The following BAHCC1 variants were observed in gnomAD, a reference collection of about 807,000 sequenced individuals.
The protein encoded by BAHCC1 is BAH domain and coiled-coil containing 1, also known as BAH and coiled-coil domain-containing protein 1.
A neutral mutation model predicts 88.2 loss-of-function variants in BAHCC1; 43 were observed. That is an observed-to-expected ratio of 0.49 (90% CI 0.38 to 0.63). The LOEUF (loss-of-function observed/expected upper bound fraction) is 0.63, where lower values mean the gene tolerates loss of function less well. BAHCC1 is among the 20% of genes least tolerant of loss of function. The pLI, the probability that BAHCC1 is intolerant of heterozygous loss-of-function variation, is 0.00. For synonymous variants in BAHCC1, 1,510 were observed against 745.5 expected (o/e 2.03, Z -16.71); for missense variants, 3,023 against 1,654.8 (o/e 1.83, Z -14.34).
In BAHCC1 at chr17:81,451,963, C is replaced by CT; in HGVS notation, c.4180-8_4180-7insT. ...CCGGCTCACAGGCCCCTGTGCCCCC[C>CT]CCACCAGGTGTGCCCCCTGAAGGCC... is the stretch of plus-strand genomic sequence containing the variant. On this transcript the variant is annotated splice_polypyrimidine_tract_variant and splice_region_variant and intron_variant, in intron 12 of 27. Coordinates refer to ENST00000675386, the MANE Select transcript of BAHCC1 (RefSeq NM_001377448.1). 2 of 623,088 alleles carry CT rather than the reference C, an allele frequency of 3.2e-6. No individual in the cohort carries two copies. The highest frequency in any genetic ancestry group is 5.6e-5 in the East Asian group (2 of 35,822). The allele number at this position is 623,088 out of a possible 1,614,324, so 38.6% of individuals were successfully genotyped here.
chr17:81,447,181 T>G lies in BAHCC1; in HGVS notation c.3309T>G (p.Pro1103=), dbSNP rs779301990. Residue 1103 remains proline (P), a synonymous_variant, in exon 11 of 28, where the codon CCT becomes CCG. Transcript: ENST00000675386. The stretch of plus-strand genomic sequence containing the variant: ...CTGAGCCCACAAGGACATTCCTGCC[T>G]GGGGAGCCGCCTCCCTGCAGCCCCA... ...AQPEPTRTFL[P]GEPPPCSPRS... is the part of the protein sequence containing the mutation. 32 of 770,126 alleles carry G rather than the reference T, an allele frequency of 4.2e-5. 1 individual carries two copies. Among genetic ancestry groups the G allele is most frequent in the Non-Finnish European group, 7.3e-5 (30 of 413,664 alleles). 47.7% of individuals were successfully genotyped at this position (770,126 alleles called of 1,614,324 possible).
intron 2 of BAHCC1, chr17:81,413,169 C>T (rs994774261): frequency 9.3e-6 from 4 of 430,990 alleles, no homozygotes; most frequent in Admixed American, 2.5e-5. Context: ...AGTGGGCCGT[C>T]GGGACCCCAC....
In BAHCC1 at chr17:81,442,575, A is replaced by C. The variant is rs1555652871; in HGVS notation, c.1226A>C (p.Gln409Pro). The change falls in exon 5 of 28, where the codon CAG becomes CCG. Residue 409 changes from glutamine (Q) to proline (P), a missense_variant. By Grantham distance (76) the Gln-to-Pro change is moderately conservative (BLOSUM62 -1). Transcript: ENST00000675386. ...CTGGCCGACAAGGGCCGCCCCTTCC[A>C]GGCCGCCGAGGCCTGTGCCGTGGCA... ...GHLADKGRPFQAAEACAVAGE... is the reference protein window; with the variant it reads ...GHLADKGRPFPAAEACAVAGE... 2 of 760,186 alleles carry C rather than the reference A, an allele frequency of 2.6e-6. No individual in the cohort carries two copies. The highest frequency in any genetic ancestry group is 4.9e-6 in the Non-Finnish European group (2 of 408,440). The allele number at this position is 760,186 out of a possible 1,614,324, so 47.1% of individuals were successfully genotyped here.
rs2064727725 is a variant in BAHCC1, at chr17:81,455,312, A to G, written c.4491A>G (p.Gly1497=). 1 of 717,376 alleles carries G rather than the reference A, an allele frequency of 1.4e-6. No homozygotes were observed. The highest frequency in any genetic ancestry group is 2.0e-5 in the Admixed American group (1 of 50,108). The allele number at this position is 717,376 out of a possible 1,614,324, so 44.4% of individuals were successfully genotyped here. Residue 1497 remains glycine (G), a synonymous_variant, in exon 15 of 28, where the codon GGA becomes GGG. Coordinates refer to ENST00000675386, the MANE Select transcript of BAHCC1 (RefSeq NM_001377448.1). ...GTCTGCTGTGTGCGGAGCTGCGAGG[A>G]GGCAGTGGGGGCGAGCCTGCGAAGA... ...SLGLLCAELR[G]GSGGEPAKKR...
intron 16 of BAHCC1, among the ~76,000 whole-genome samples, chr17:81,456,903 C>T (rs1237742388): frequency 6.6e-6 from 1 of 151,726 alleles, no homozygotes; most frequent in African/African-American, 2.4e-5. Context: ...GCCCCTGTGA[C>T]TGTAGCATCC....
At chr17:81,407,577 A>G (rs1555647128) in intron 2 of BAHCC1, among the ~76,000 whole-genome samples, 1 of 152,202 alleles carries the variant, frequency 6.6e-6, no homozygotes, top group Non-Finnish European at 1.5e-5. Flanking sequence ...TGGGGGTGCC[A>G]TGGTGGGTGG....
rs782582251 is a variant in BAHCC1, at chr17:81,442,035, C to G, written c.686C>G (p.Ala229Gly). ...LVGKELGREK[A>G]GKAAEGKERP... is the part of the protein sequence containing the mutation. Reference sequence around the variant, plus strand: ...GGCAAAGAGCTGGGCAGAGAGAAGGCGGGCAAGGCCGCTGAGGGCAAGGAG... The same window carrying G: ...GGCAAAGAGCTGGGCAGAGAGAAGGGGGGCAAGGCCGCTGAGGGCAAGGAG... The change falls in exon 5 of 28, where the codon GCG becomes GGG. Residue 229 changes from alanine to glycine, a missense_variant. By Grantham distance (60) the Ala-to-Gly change is moderately conservative. Transcript: ENST00000675386. 1.4e-5 allele frequency: 10 copies of G among 718,620 alleles called. No individual in the cohort carries two copies. Among genetic ancestry groups the G allele is most frequent in the Non-Finnish European group, 1.8e-5 (7 of 384,346 alleles). The allele number at this position is 718,620 out of a possible 1,614,324, so 44.5% of individuals were successfully genotyped here.
rs1295449817 is a variant in BAHCC1 at position 81,411,872 on chromosome 17, A to G, written c.178+11955A>G. ...GCCCCTGCCCCTCCACACCCTGGTC[A>G]CTCTTCCCTCCAGCTCAGCGCTTAC... is the stretch of plus-strand genomic sequence containing the variant. On this transcript the variant is annotated intron_variant, in intron 2 of 27. Coordinates refer to ENST00000675386, the MANE Select transcript of BAHCC1 (RefSeq NM_001377448.1). This position sits in a 1 kb window ranked among gnomAD's most constrained non-coding sequence, Gnocchi z 6.2. Among the ~76,000 whole-genome samples, 1 of 151,644 alleles carries G rather than the reference A, an allele frequency of 6.6e-6. No individual in the cohort carries two copies. The highest frequency in any genetic ancestry group is 1.5e-5 in the Non-Finnish European group (1 of 67,890).
At chr17:81,445,917 G>A (rs532550937) in intron 10 of BAHCC1, among the ~76,000 whole-genome samples, 20 of 152,368 alleles carry the variant, frequency 1.3e-4, no homozygotes, top group Admixed American at 2.0e-4. Context: ...TGACGAAGGC[G>A]GGAGGAAGAC....
At chr17:81,405,986 G>A (rs1284662845) in intron 2 of BAHCC1, among the ~76,000 whole-genome samples, 2 of 152,234 alleles carry the variant, frequency 1.3e-5, no homozygotes, top group African/African-American at 4.8e-5. Flanking sequence ...GACTCCTCCT[G>A]GGTAGCAGCA....
intron 2 of BAHCC1, chr17:81,410,095 TG>T: frequency 5.4e-6 from 2 of 369,046 alleles, no homozygotes; most frequent in Middle Eastern, 3.6e-4. Context: ...GAGGGTTGAG[TG>T]GGACTGGGGG....
At position 81,462,161 on chromosome 17, in the gene BAHCC1, A is replaced by T. The variant is rs944650213; in HGVS notation, c.7383+115A>T. 6 of 600,932 alleles carry T rather than the reference A, an allele frequency of 1.0e-5. No individual in the cohort carries two copies. The Admixed American group carries it at 1.8e-4, about 18-fold the overall frequency. 37.2% of individuals were successfully genotyped at this position (600,932 alleles called of 1,614,324 possible). A position where few individuals can be genotyped will look rare whatever the true frequency, so the allele number is the denominator to read the frequency against. On this transcript the variant is annotated intron_variant, in intron 26 of 27. Coordinates refer to ENST00000675386, the MANE Select transcript of BAHCC1 (RefSeq NM_001377448.1). ...TCATCTTCCTACTTGATTTCAAGTT[A>T]AAAAATGTGGAAAACTCAAGGGAAG...
At chr17:81,420,005 G>A (rs2064096775) in intron 2 of BAHCC1, among the ~76,000 whole-genome samples, 2 of 152,096 alleles carry the variant, frequency 1.3e-5, no homozygotes, top group Admixed American at 6.5e-5. Flanking sequence ...GTGGGGTGGG[G>A]CACAGTGGGC....
chr17:81,409,358 C>T (rs774464729), intron 2 of BAHCC1, among the ~76,000 whole-genome samples: 5 of 152,204 alleles, frequency 3.3e-5, no homozygotes, highest in Non-Finnish European at 7.3e-5. Context: ...GGGTGGGGCT[C>T]CTGTCCCCCG....
In BAHCC1 at chr17:81,435,218, G is replaced by A. The variant is rs1453599422; in HGVS notation, c.359-3152G>A. Among the ~76,000 whole-genome samples the A allele has an allele frequency of 3.3e-5, 5 of 152,114 alleles. No homozygotes were observed. Among genetic ancestry groups the A allele is most frequent in the African/African-American group, 1.2e-4 (5 of 41,418 alleles). Reference sequence around the variant, plus strand: ...CTCAGGCCTGGGGGTGGTTGGGAGGGGTCTGGGGGTGTGGCCATTGTGTCC... The same window carrying A: ...CTCAGGCCTGGGGGTGGTTGGGAGGAGTCTGGGGGTGTGGCCATTGTGTCC... On this transcript the variant is annotated intron_variant, in intron 3 of 27. Coordinates refer to ENST00000675386, the MANE Select transcript of BAHCC1 (RefSeq NM_001377448.1). This position sits in a 1 kb window ranked among gnomAD's most constrained non-coding sequence, Gnocchi z 4.4.
chr17:81,460,485 C>T (rs558454893), intron 24 of BAHCC1, 45 bp from the exon 25 acceptor site: 5 of 727,624 alleles, frequency 6.9e-6, no homozygotes, highest in East Asian at 5.1e-5. Context: ...GTGGCAGTCA[C>T]CCCACAGCCA....
At chr17:81,400,381 C>T (rs571939686) in intron 2 of BAHCC1, among the ~76,000 whole-genome samples, 1 of 152,152 alleles carries the variant, frequency 6.6e-6, no homozygotes, top group Non-Finnish European at 1.5e-5. Flanking sequence ...GTGTGTGCGC[C>T]GGGCGAGCGT....
intron 2 of BAHCC1, among the ~76,000 whole-genome samples, chr17:81,409,878 T>C (rs1598455266): frequency 6.6e-6 from 1 of 151,990 alleles, no homozygotes; most frequent in Non-Finnish European, 1.5e-5. Flanking sequence ...CCCTTCACAT[T>C]GTGGGTTTTG....
At chr17:81,408,631 C>T (rs1377012786) in intron 2 of BAHCC1, among the ~76,000 whole-genome samples, 4 of 152,166 alleles carry the variant, frequency 2.6e-5, no homozygotes, top group Non-Finnish European at 5.9e-5. Context: ...GCTCCATGCC[C>T]ACCTCTCCTT....
Sources: allele counts gnomAD v4.1 joint callset (sites outside exome capture counted in the v4.1 genomes callset), GRCh38; gene constraint gnomAD v4.1.1; non-coding constraint Gnocchi (gnomAD v3.1); transcripts MANE v1.5; gene names NCBI Gene and HGNC (gene_info 2026-07-23, HGNC 2026-07-21).